The following RPS6KC1 variants were observed in gnomAD, a reference collection of about 807,000 sequenced individuals.
RPS6KC1 encodes the protein ribosomal protein S6 kinase C1, also known as inactive ribosomal protein S6 kinase delta-1.
In RPS6KC1, 54 loss-of-function variants were observed where a neutral mutation model predicts 103.8. That is an observed-to-expected ratio of 0.52 (90% CI 0.42 to 0.65). The LOEUF is 0.65. Ranked by LOEUF, RPS6KC1 falls within the 30% of genes least tolerant of loss-of-function variation. The pLI is 0.00. For synonymous variants in RPS6KC1, 439 were observed against 438.7 expected (o/e 1.00, Z -0.01); for missense variants, 1,151 against 1,253.8 (o/e 0.92, Z 1.24).
At chr1:213,326,343 A>T in the RPS6KC1 span, among the ~76,000 whole-genome samples, 13 of 152,370 alleles carry the variant, frequency 8.5e-5, no homozygotes, top group Admixed American at 7.8e-4. Context: ...AACAAGACAG[A>T]TCAGAATCTT....
At chr1:213,708,136 T>C in the RPS6KC1 span, among the ~76,000 whole-genome samples, 2 of 152,242 alleles carry the variant, frequency 1.3e-5, no homozygotes, top group African/African-American at 4.8e-5. Context: ...TTGGGCAGTA[T>C]GGCAATTTTC....
At chr1:213,416,098 G>A in the RPS6KC1 span, among the ~76,000 whole-genome samples, 3 of 152,182 alleles carry the variant, frequency 2.0e-5, no homozygotes, top group Non-Finnish European at 4.4e-5. Flanking sequence ...TGTTGAGGTG[G>A]GTGTGAAAGT....
chr1:213,756,083 G>A, the RPS6KC1 span, among the ~76,000 whole-genome samples: 2 of 152,202 alleles, frequency 1.3e-5, no homozygotes, highest in Non-Finnish European at 2.9e-5. Context: ...AAGGCTGTGG[G>A]GTGGCCCTAG....
At chr1:213,609,381 C>A in the RPS6KC1 span, among the ~76,000 whole-genome samples, 1 of 152,198 alleles carries the variant, frequency 6.6e-6, no homozygotes, top group African/African-American at 2.4e-5. Context: ...TCTCCTAAGT[C>A]TTTGTCCTCA....
At chr1:213,700,297 T>C in the RPS6KC1 span, among the ~76,000 whole-genome samples, 1 of 152,128 alleles carries the variant, frequency 6.6e-6, no homozygotes, top group Admixed American at 6.5e-5. Flanking sequence ...CACCATTTAT[T>C]GAAGAGACTG....
the RPS6KC1 span, among the ~76,000 whole-genome samples, chr1:213,309,581 G>A: frequency 6.6e-6 from 1 of 152,234 alleles, no homozygotes; most frequent in African/African-American, 2.4e-5. Flanking sequence ...ACAAGGTCAT[G>A]AAGCTGGTGA....
At chr1:213,532,875 T>G in the RPS6KC1 span, among the ~76,000 whole-genome samples, 2 of 152,172 alleles carry the variant, frequency 1.3e-5, no homozygotes, top group South Asian at 4.1e-4. Context: ...GGGAACACTG[T>G]TGAGGTGGGG....
At chr1:213,290,347 C>T in the RPS6KC1 span, among the ~76,000 whole-genome samples, 1 of 152,096 alleles carries the variant, frequency 6.6e-6, no homozygotes, top group African/African-American at 2.4e-5. Flanking sequence ...TGGTACTTAA[C>T]TGTTCTTTGA....
the RPS6KC1 span, among the ~76,000 whole-genome samples, chr1:213,602,090 T>TTCTTTC: frequency 1.3e-4 from 5 of 37,540 alleles, no homozygotes; most frequent in African/African-American, 2.8e-4. Context: ...CTTTCTTTCT[T>TTCTTTC]TCTTTCTTTC....
At chr1:213,567,683 T>C in the RPS6KC1 span, among the ~76,000 whole-genome samples, 4 of 152,356 alleles carry the variant, frequency 2.6e-5, no homozygotes, top group African/African-American at 9.6e-5. Flanking sequence ...TTGTATTAAT[T>C]CTTCACAACC....
At chr1:213,705,283 A>G in the RPS6KC1 span, among the ~76,000 whole-genome samples, 1 of 152,110 alleles carries the variant, frequency 6.6e-6, no homozygotes, top group Non-Finnish European at 1.5e-5. Context: ...AAACGTTAGA[A>G]GTCCACCTGG....
chr1:213,368,514 G>A, the RPS6KC1 span, among the ~76,000 whole-genome samples: 1 of 152,214 alleles, frequency 6.6e-6, no homozygotes, highest in East Asian at 1.9e-4. Flanking sequence ...TATTGACTTA[G>A]GGGAGGAGAT....
chr1:213,556,422 CTT>C, the RPS6KC1 span, among the ~76,000 whole-genome samples: 3 of 152,326 alleles, frequency 2.0e-5, no homozygotes, highest in South Asian at 6.2e-4. Context: ...GCATTAGTCT[CTT>C]TGCACAAACT....
At chr1:213,783,960 G>A in the RPS6KC1 span, among the ~76,000 whole-genome samples, 6 of 151,890 alleles carry the variant, frequency 4.0e-5, no homozygotes, top group African/African-American at 1.5e-4. Flanking sequence ...TCCTTGAGAA[G>A]TTCCTTTTTG....
At chr1:213,378,779 A>G in the RPS6KC1 span, among the ~76,000 whole-genome samples, 1 of 152,234 alleles carries the variant, frequency 6.6e-6, no homozygotes, top group Non-Finnish European at 1.5e-5. Flanking sequence ...CAGTATGTGC[A>G]TAAGAGAACG....
At chr1:213,065,365 A>G (rs1259591997) in intron 1 of RPS6KC1, among the ~76,000 whole-genome samples, 1 of 152,164 alleles carries the variant, frequency 6.6e-6, no homozygotes, top group African/African-American at 2.4e-5. Context: ...CTCTCTTGAA[A>G]TTTATCCAGA....
chr1:213,191,717 C>G (rs1464810747), intron 8 of RPS6KC1, among the ~76,000 whole-genome samples: 1 of 151,978 alleles, frequency 6.6e-6, no homozygotes, highest in African/African-American at 2.4e-5. Context: ...GTTATATTCT[C>G]GATCTTAGAG....
chr1:213,775,658 C>A, the RPS6KC1 span, among the ~76,000 whole-genome samples: 7 of 152,166 alleles, frequency 4.6e-5, no homozygotes, highest in Non-Finnish European at 8.8e-5. Flanking sequence ...TGGCTGCTGA[C>A]TGATCAAGGT....
At chr1:213,267,467 A>G (rs1339416436) in intron 14 of RPS6KC1, among the ~76,000 whole-genome samples, 1 of 152,026 alleles carries the variant, frequency 6.6e-6, no homozygotes, top group Non-Finnish European at 1.5e-5. Context: ...GCTAAAATAT[A>G]CTATCTAAAA....
Sources: gnomAD v4.1 joint callset for allele counts (sites outside exome capture counted in the v4.1 genomes callset) on GRCh38, gnomAD v4.1.1 for gene constraint, MANE v1.5 for transcripts, NCBI Gene and HGNC (gene_info 2026-07-23, HGNC 2026-07-21) for gene names.